RAMP1: variants seen among roughly 807,000 people sequenced by gnomAD.
RAMP1 encodes the protein receptor activity modifying protein 1.
RAMP1 carries 7 observed loss-of-function variants against 8.2 expected under a neutral mutation model. That is an observed-to-expected ratio of 0.85 (90% CI 0.49 to 1.60). The LOEUF is 1.60. RAMP1 is among the 40% of genes most tolerant of loss of function. The pLI is 0.00. For missense variants in RAMP1, 192 were observed against 202.4 expected (o/e 0.95, Z 0.31); for synonymous variants, 92 against 84.7 (o/e 1.09, Z -0.47).
chr2:237,895,434 C>G (rs764438716), intron 2 of RAMP1, among the ~76,000 whole-genome samples: 4 of 152,182 alleles, frequency 2.6e-5, no homozygotes, highest in Non-Finnish European at 4.4e-5. Context: ...AAAACCCCCA[C>G]AGTGAACACC....
Position 237,878,838 on chromosome 2 carries a change from G to A in RAMP1, c.191+1476G>A, listed in dbSNP as rs2062336564. On this transcript the variant is annotated intron_variant, in intron 2 of 2. Coordinates refer to ENST00000254661, the MANE Select transcript of RAMP1 (RefSeq NM_005855.4). This position sits in a 1 kb window ranked among gnomAD's most constrained non-coding sequence, Gnocchi z 5.7. ...AAACAACAGAAACTCCGTACCCTCT[G>A]CTCCAGTTCAGGTGGGAGAGTTGGT... Among the ~76,000 whole-genome samples the A allele has an allele frequency of 6.6e-6, 1 of 152,256 alleles. No homozygotes were observed. Among genetic ancestry groups the A allele is most frequent in the Non-Finnish European group, 1.5e-5 (1 of 68,040 alleles).
chr2:237,907,630 CTT>C (rs2062667005), intron 2 of RAMP1, among the ~76,000 whole-genome samples: 1 of 152,142 alleles, frequency 6.6e-6, no homozygotes, highest in Admixed American at 6.5e-5. Context: ...GATGCCATAT[CTT>C]TTTATTTCTA....
intron 2 of RAMP1, among the ~76,000 whole-genome samples, chr2:237,904,014 C>A (rs1221953761): frequency 6.6e-6 from 1 of 152,274 alleles, no homozygotes; most frequent in Non-Finnish European, 1.5e-5. Context: ...GTTGGGTTTA[C>A]ACGTGTGAGC....
intron 2 of RAMP1, among the ~76,000 whole-genome samples, chr2:237,893,651 A>G (rs1358289586): frequency 6.6e-6 from 1 of 152,220 alleles, no homozygotes; most frequent in Non-Finnish European, 1.5e-5. Context: ...TTTCTAAAGT[A>G]GTTTCGGCCG....
chr2:237,869,732 A>G (rs1297920696), intron 1 of RAMP1, among the ~76,000 whole-genome samples: 1 of 152,188 alleles, frequency 6.6e-6, no homozygotes, highest in Non-Finnish European at 1.5e-5. Flanking sequence ...GGGTGTTCAG[A>G]TATCTCTGTG....
At chr2:237,906,912 G>A (rs1191056900) in intron 2 of RAMP1, among the ~76,000 whole-genome samples, 1 of 151,922 alleles carries the variant, frequency 6.6e-6, no homozygotes, top group African/African-American at 2.4e-5. Flanking sequence ...TAGTAGAGAT[G>A]AGGTTTCACC....
chr2:237,893,940 C>CA (rs1326300324), intron 2 of RAMP1, among the ~76,000 whole-genome samples: 1 of 141,780 alleles, frequency 7.1e-6, no homozygotes, highest in African/African-American at 2.6e-5. Context: ...AACTTTGTCT[C>CA]AAAAAAATAA....
chr2:237,885,699 G>A (rs762390960), intron 2 of RAMP1, among the ~76,000 whole-genome samples: 25 of 152,152 alleles, frequency 1.6e-4, no homozygotes, highest in Non-Finnish European at 3.7e-4. Context: ...CCTGCCCACC[G>A]CCACACCATC....
At chr2:237,898,580 T>A (rs752250874) in intron 2 of RAMP1, among the ~76,000 whole-genome samples, 2 of 152,160 alleles carry the variant, frequency 1.3e-5, no homozygotes, top group Non-Finnish European at 2.9e-5. Context: ...GTGCTTTTCA[T>A]CAAACAGTTA....
chr2:237,897,089 C>T (rs903312864), intron 2 of RAMP1, among the ~76,000 whole-genome samples: 7 of 152,330 alleles, frequency 4.6e-5, no homozygotes, highest in African/African-American at 9.6e-5. Context: ...CGGATGCTCC[C>T]GTGTGGCACT....
chr2:237,877,500 G>A lies in RAMP1; in HGVS notation c.191+138G>A, dbSNP rs772148962. The A allele has an allele frequency of 2.9e-5, 35 of 1,201,186 alleles. No homozygotes were observed. Among genetic ancestry groups the A allele is most frequent in the South Asian group, 4.7e-5 (3 of 64,246 alleles). 74.4% of individuals were successfully genotyped at this position (1,201,186 alleles called of 1,614,324 possible). On this transcript the variant is annotated intron_variant, in intron 2 of 2. Coordinates refer to ENST00000254661, the MANE Select transcript of RAMP1 (RefSeq NM_005855.4). This position sits in a 1 kb window ranked among gnomAD's most constrained non-coding sequence, Gnocchi z 4.4. ...GGTTCTTCCCCCAGTGGGGGGGGCCGGGATGAAGACAGAGGAGGGAGCCAG... is the reference window on the plus strand; with the variant it reads ...GGTTCTTCCCCCAGTGGGGGGGGCCAGGATGAAGACAGAGGAGGGAGCCAG...
intron 2 of RAMP1, among the ~76,000 whole-genome samples, chr2:237,884,152 C>T (rs1392716559): frequency 3.3e-5 from 5 of 152,036 alleles, no homozygotes; most frequent in East Asian, 1.9e-4. Context: ...CTTTCTAACA[C>T]GTGTTGGGTG....
intron 2 of RAMP1, among the ~76,000 whole-genome samples, chr2:237,899,290 C>T (rs1036586782): frequency 2.0e-5 from 3 of 152,126 alleles, no homozygotes; most frequent in Non-Finnish European, 2.9e-5. Context: ...AGGCTGGTCG[C>T]GAACTCCTGA....
Position 237,874,677 on chromosome 2 carries a change from C to G in RAMP1, c.53-2547C>G, listed in dbSNP as rs78866655. Reference sequence around the variant, plus strand: ...AGCCTGAGGCACGCTTGCTTCACTCCCAGGCAGAATGGCCACTGAGAAATC... The same window carrying G: ...AGCCTGAGGCACGCTTGCTTCACTCGCAGGCAGAATGGCCACTGAGAAATC... On this transcript the variant is annotated intron_variant, in intron 1 of 2. Transcript: ENST00000254661. 4 of 985,128 alleles carry G rather than the reference C, an allele frequency of 4.1e-6. No homozygotes were observed. The African/African-American group carries it at 7.0e-5, about 17-fold the overall frequency. 61.0% of individuals were successfully genotyped at this position (985,128 alleles called of 1,614,324 possible). A position where few individuals can be genotyped will look rare whatever the true frequency, so the allele number is the denominator to read the frequency against.
chr2:237,861,327 G>A (rs1026552097), intron 1 of RAMP1, among the ~76,000 whole-genome samples: 1 of 152,118 alleles, frequency 6.6e-6, no homozygotes, highest in Non-Finnish European at 1.5e-5. Context: ...ACTTTATGAG[G>A]TTATCAGTAA....
At chr2:237,904,675 A>G (rs1335244963) in intron 2 of RAMP1, among the ~76,000 whole-genome samples, 2 of 152,224 alleles carry the variant, frequency 1.3e-5, no homozygotes, top group Admixed American at 1.3e-4. Context: ...TTTTCTGACA[A>G]TTTAGACACA....
chr2:237,892,938 GCT>G (rs1439329309), intron 2 of RAMP1, among the ~76,000 whole-genome samples: 1 of 152,102 alleles, frequency 6.6e-6, no homozygotes, highest in East Asian at 1.9e-4. Flanking sequence ...CTCTGATAGG[GCT>G]CTTGTTTACT....
chr2:237,894,652 A>T (rs559280951), intron 2 of RAMP1, among the ~76,000 whole-genome samples: 1 of 152,262 alleles, frequency 6.6e-6, no homozygotes, highest in Non-Finnish European at 1.5e-5. Flanking sequence ...CTGAGGCTCT[A>T]TGGGTCCCCA....
At chr2:237,875,651 A>G (rs3820797) in intron 1 of RAMP1, among the ~76,000 whole-genome samples, 30,275 of 152,018 alleles carry the variant, frequency 0.2, 3,363 homozygotes, top group African/African-American at 0.3. Flanking sequence ...TCCCTGATTC[A>G]ACACACCTGG....
Sources: allele counts gnomAD v4.1 joint callset (sites outside exome capture counted in the v4.1 genomes callset), GRCh38; gene constraint gnomAD v4.1.1; non-coding constraint Gnocchi (gnomAD v3.1); transcripts MANE v1.5; gene names NCBI Gene and HGNC (gene_info 2026-07-23, HGNC 2026-07-21).